Variants in WNT9A observed in about 807,000 individuals in gnomAD.
WNT9A encodes the protein protein Wnt-9a.
A neutral mutation model predicts 31.4 loss-of-function variants in WNT9A; 8 were observed. That is an observed-to-expected ratio of 0.26 (90% CI 0.15 to 0.46). The LOEUF (loss-of-function observed/expected upper bound fraction) is 0.46. Among genes scored for constraint, WNT9A ranks in the 20% least tolerant of loss-of-function variants. The pLI, the probability that WNT9A is intolerant of heterozygous loss-of-function variation, is 0.99. For synonymous variants in WNT9A, 236 were observed against 220.1 expected (o/e 1.07, Z -0.64); for missense variants, 457 against 522.9 (o/e 0.87, Z 1.23).
Position 227,925,078 on chromosome 1 carries a change from C to T in WNT9A, c.352+185G>A, listed in dbSNP as rs1390742816. 6.6e-6 allele frequency among the ~76,000 whole-genome samples: 1 copy of T among 152,186 alleles called. No homozygotes were observed. The highest frequency in any genetic ancestry group is 1.5e-5 in the Non-Finnish European group (1 of 68,006). On this transcript the variant is annotated intron_variant, in intron 2 of 3. Transcript: ENST00000272164. The surrounding 1 kb of genome is among the most constrained non-coding windows in gnomAD (Gnocchi z 6.0). ...GACTGTGCGTGTGCCTAAAGCAAGG[C>T]AGGGCAGGCAGCACTCAGGGAGGTC...
rs55730500 is a variant in WNT9A at position 227,919,722 on chromosome 1, C to CACAG, written c.*1795_*1796insCTGT. 0.021 allele frequency: 3,063 copies of CACAG among 145,752 alleles called. 42 individuals carry two copies. Among genetic ancestry groups the CACAG allele is most frequent in the Non-Finnish European group, 0.031 (2,057 of 66,702 alleles). 9.0% of individuals were successfully genotyped at this position (145,752 alleles called of 1,614,324 possible). On this transcript the variant is annotated 3_prime_UTR_variant, in exon 4 of 4. Coordinates refer to ENST00000272164, the MANE Select transcript of WNT9A (RefSeq NM_003395.4). ...ACACACACACACACACACACACACACAGACCATGCCAGCATGCATTTATAC... is the reference window on the plus strand; with the variant it reads ...ACACACACACACACACACACACACACACAGAGACCATGCCAGCATGCATTTATAC...
At chr1:227,933,666 A>C (rs1478344308) in intron 1 of WNT9A, among the ~76,000 whole-genome samples, 2 of 152,184 alleles carry the variant, frequency 1.3e-5, no homozygotes, top group Non-Finnish European at 2.9e-5. Flanking sequence ...TAATTGGTCT[A>C]ATTTTAATAT....
At chr1:227,940,090 C>T (rs1032592286) in intron 1 of WNT9A, among the ~76,000 whole-genome samples, 4 of 152,208 alleles carry the variant, frequency 2.6e-5, no homozygotes, top group Non-Finnish European at 5.9e-5. Context: ...CTGAAAGCAC[C>T]GTGTCCCATG....
chr1:227,935,493 C>A (rs1666580478), intron 1 of WNT9A, among the ~76,000 whole-genome samples: 1 of 152,248 alleles, frequency 6.6e-6, no homozygotes, highest in Non-Finnish European at 1.5e-5. Context: ...GAGATTCCCT[C>A]TGTGCCCTAA....
chr1:227,929,266 G>GA (rs1323282228), intron 1 of WNT9A, among the ~76,000 whole-genome samples: 3 of 151,528 alleles, frequency 2.0e-5, no homozygotes, highest in South Asian at 2.1e-4. Context: ...CCCATCTCAA[G>GA]AAAAAAAACT....
chr1:227,939,618 G>A lies in WNT9A; in HGVS notation c.95+8175C>T, dbSNP rs1666658432. 1.3e-5 allele frequency among the ~76,000 whole-genome samples: 2 copies of A among 152,210 alleles called. 1 individual carries two copies. The highest frequency in any genetic ancestry group is 4.2e-4 in the South Asian group (2 of 4,816). On this transcript the variant is annotated intron_variant, in intron 1 of 3. Coordinates refer to ENST00000272164, the MANE Select transcript of WNT9A (RefSeq NM_003395.4). ...AGCACAATAGACAGGAAGTCCTACG[G>A]AGGGAGCACACATCACCAAGGCCGG...
In WNT9A at chr1:227,924,328, C is replaced by G; in HGVS notation, c.425G>C (p.Ser142Thr). The G allele has an allele frequency of 6.2e-7, 1 of 1,613,678 alleles. No individual in the cohort carries two copies. Among genetic ancestry groups the G allele is most frequent in the Non-Finnish European group, 8.5e-7 (1 of 1,179,994 alleles). ...GGTACAGCGCTCCATGCGGCCCGCG[C>G]TGCACGCCTTGGCCAGTGCGTGCGT... The part of the protein sequence containing the change: ...GLTHALAKAC[S>T]AGRMERCTCD... The change falls in exon 3 of 4, where the codon AGC (serine) becomes ACC (threonine). Residue 142 changes from serine (S) to threonine (T), a missense_variant. Coordinates refer to ENST00000272164, the MANE Select transcript of WNT9A (RefSeq NM_003395.4).
Position 227,944,944 on chromosome 1 carries a change from G to A in WNT9A, c.95+2849C>T, listed in dbSNP as rs537511794. On this transcript the variant is annotated intron_variant, in intron 1 of 3. Transcript: ENST00000272164. ...CTAAGGAAAGGGCTGCAAGGTGCCAGGGAGCCAGGCAGCCTAGCAGCCAGG... is the reference window on the plus strand; with the variant it reads ...CTAAGGAAAGGGCTGCAAGGTGCCAAGGAGCCAGGCAGCCTAGCAGCCAGG... Among the ~76,000 whole-genome samples, 384 of 152,362 alleles carry A rather than the reference G, an allele frequency of 2.5e-3. 2 individuals are homozygous for A. Among genetic ancestry groups the A allele is most frequent in the African/African-American group, 8.8e-3 (365 of 41,588 alleles).
In WNT9A at chr1:227,919,744, A is replaced by C. The variant is rs977350072; in HGVS notation, c.*1774T>G. 1 of 148,354 alleles carries C rather than the reference A, an allele frequency of 6.7e-6. No homozygotes were observed. Among genetic ancestry groups the C allele is most frequent in the Non-Finnish European group, 1.5e-5 (1 of 67,346 alleles). The allele number at this position is 148,354 out of a possible 1,614,324, so 9.2% of individuals were successfully genotyped here. A position where few individuals can be genotyped will look rare whatever the true frequency, so the allele number is the denominator to read the frequency against. ...ACACAGACCATGCCAGCATGCATTT[A>C]TACAACACACGCTTACACACATTGA... On this transcript the variant is annotated 3_prime_UTR_variant, in exon 4 of 4. Coordinates refer to ENST00000272164, the MANE Select transcript of WNT9A (RefSeq NM_003395.4).
chr1:227,923,680 TTCCCTGGGA>T (rs1666363947), intron 3 of WNT9A, among the ~76,000 whole-genome samples: 1 of 152,094 alleles, frequency 6.6e-6, no homozygotes, highest in South Asian at 2.1e-4. Context: ...CCCCTAACCC[TTCCCTGGGA>T]TCCCCTGCCC....
Position 227,921,552 on chromosome 1 carries a change from G to C in WNT9A, c.1064C>G (p.Thr355Arg), listed in dbSNP as rs370630795. The C allele has an allele frequency of 6.8e-6, 11 of 1,612,822 alleles. No homozygotes were observed. The highest frequency in any genetic ancestry group is 9.3e-6 in the Non-Finnish European group (11 of 1,179,546). Residue 355 changes from threonine (T) to arginine (R), a missense_variant, in exon 4 of 4, where the codon ACG (threonine) becomes AGG (arginine). Physicochemically the swap from Thr to Arg is moderately conservative, Grantham distance 71. Coordinates refer to ENST00000272164, the MANE Select transcript of WNT9A (RefSeq NM_003395.4). Reference protein sequence around the residue: ...WCCYVECRQCTQREEVYTCKG With the variant: ...WCCYVECRQCRQREEVYTCKG Reference sequence around the variant, plus strand: ...GCAGGTGTAGACCTCCTCACGCTGCGTGCACTGCCTGCACTCCACATAGCA... The same window carrying C: ...GCAGGTGTAGACCTCCTCACGCTGCCTGCACTGCCTGCACTCCACATAGCA...
At chr1:227,930,306 G>T (rs1342990255) in intron 1 of WNT9A, among the ~76,000 whole-genome samples, 1 of 152,204 alleles carries the variant, frequency 6.6e-6, no homozygotes, top group Non-Finnish European at 1.5e-5. Flanking sequence ...CTCAGCAGGG[G>T]CTGCATGTGC....
chr1:227,923,141 C>T (rs985713412), intron 3 of WNT9A, among the ~76,000 whole-genome samples: 2 of 152,092 alleles, frequency 1.3e-5, no homozygotes, highest in East Asian at 3.9e-4. Context: ...GAAGGAGGCA[C>T]AAGAGACCCA....
chr1:227,924,092 T>G, intron 3 of WNT9A, 46 bp downstream of exon 3: 4 of 417,852 alleles, frequency 9.6e-6, no homozygotes, highest in Non-Finnish European at 1.3e-5. Context: ...CCCCTGACGC[T>G]CTTTCTGACC....
chr1:227,921,804 C>T lies in WNT9A; in HGVS notation c.812G>A (p.Arg271Gln), dbSNP rs770228799. ...AGEAGAISPP[R>Q]GRASGAGGSD... ...GCCACCTGCCCCCGAGGCACGGCCC[C>T]GTGGTGGGGAGATGGCACCTGCCTC... Residue 271 changes from arginine to glutamine, a missense_variant, in exon 4 of 4, where the codon CGG becomes CAG. Coordinates refer to ENST00000272164, the MANE Select transcript of WNT9A (RefSeq NM_003395.4). 8 of 1,612,792 alleles carry T rather than the reference C, an allele frequency of 5.0e-6. No individual in the cohort carries two copies. Among genetic ancestry groups the T allele is most frequent in the East Asian group, 4.5e-5 (2 of 44,878 alleles).
In WNT9A at chr1:227,945,441, G is replaced by A. The variant is rs1013294298; in HGVS notation, c.95+2352C>T. On this transcript the variant is annotated intron_variant, in intron 1 of 3. Coordinates refer to ENST00000272164, the MANE Select transcript of WNT9A (RefSeq NM_003395.4). ...GGCCAGAGGCCTCTAGGAGGGCAGC[G>A]GGCGCCAGCCAGGGTTGGGTTGCAG... Among the ~76,000 whole-genome samples the A allele has an allele frequency of 1.3e-4, 20 of 152,200 alleles. 1 individual carries two copies. Among genetic ancestry groups the A allele is most frequent in the African/African-American group, 4.8e-4 (20 of 41,458 alleles).
chr1:227,947,075 G>T (rs1490843534), intron 1 of WNT9A, among the ~76,000 whole-genome samples: 2 of 152,340 alleles, frequency 1.3e-5, no homozygotes, highest in South Asian at 2.1e-4. Context: ...CAGAGAGGGG[G>T]AGGGAAGAAG....
chr1:227,923,730 C>G (rs1434971184), intron 3 of WNT9A, among the ~76,000 whole-genome samples: 1 of 151,978 alleles, frequency 6.6e-6, no homozygotes, highest in African/African-American at 2.4e-5. Context: ...CTGTGGGGGG[C>G]ACATCTTCCT....
At chr1:227,927,953 G>A (rs1476879456) in intron 1 of WNT9A, among the ~76,000 whole-genome samples, 1 of 151,892 alleles carries the variant, frequency 6.6e-6, no homozygotes, top group Non-Finnish European at 1.5e-5. Flanking sequence ...GGGGATGAGG[G>A]GACAAGGGGA....
Sources: allele counts gnomAD v4.1 joint callset (sites outside exome capture counted in the v4.1 genomes callset), GRCh38; gene constraint gnomAD v4.1.1; non-coding constraint Gnocchi (gnomAD v3.1); transcripts MANE v1.5; gene names NCBI Gene and HGNC (gene_info 2026-07-23, HGNC 2026-07-21).